Variants in RMST observed in about 807,000 individuals in gnomAD.
RMST encodes long intergenic non-protein coding RNA 54.
intron 13 of RMST, among the ~76,000 whole-genome samples, chr12:97,562,770 A>G (rs1253839724): frequency 6.6e-6 from 1 of 152,194 alleles, no homozygotes; most frequent in African/African-American, 2.4e-5. Flanking sequence ...CCTTTCGTTT[A>G]ACTATTTCCA....
chr12:97,489,699 A>G (rs1876543194), intron 5 of RMST, among the ~76,000 whole-genome samples: 1 of 152,246 alleles, frequency 6.6e-6, no homozygotes, highest in South Asian at 2.1e-4. Flanking sequence ...CACTACAATG[A>G]CAAATTTTAA....
At chr12:97,494,420 C>T (rs1411067898) in intron 8 of RMST, among the ~76,000 whole-genome samples, 2 of 152,086 alleles carry the variant, frequency 1.3e-5, no homozygotes, top group African/African-American at 4.8e-5. Flanking sequence ...TGCAGTGACT[C>T]ACACCTGTAA....
intron 10 of RMST, among the ~76,000 whole-genome samples, chr12:97,503,273 G>A (rs1038622064): frequency 6.6e-6 from 1 of 152,050 alleles, no homozygotes; most frequent in Non-Finnish European, 1.5e-5. Context: ...TGCAATACAA[G>A]GCACACCTAA....
At position 97,470,101 on chromosome 12, in the gene RMST, T is replaced by G. The variant is rs1211960278; in HGVS notation, n.644+4374T>G. On this transcript the variant is annotated intron_variant and non_coding_transcript_variant, in intron 5 of 13. Coordinates refer to ENST00000640149, the Ensembl canonical transcript of RMST. Reference sequence around the variant, plus strand: ...ACTGCCTTCTCAAAGCCCTCAAACCTTCAATGTCTGGGTCAAAGCCGTTGG... The same window carrying G: ...ACTGCCTTCTCAAAGCCCTCAAACCGTCAATGTCTGGGTCAAAGCCGTTGG... 2.0e-5 allele frequency among the ~76,000 whole-genome samples: 3 copies of G among 152,134 alleles called. No homozygotes were observed. The East Asian group carries it at 5.8e-4, about 29-fold the overall frequency.
At chr12:97,521,196 G>C (rs923284045) in intron 10 of RMST, among the ~76,000 whole-genome samples, 15 of 152,086 alleles carry the variant, frequency 9.9e-5, no homozygotes, top group Admixed American at 9.2e-4. Flanking sequence ...GTATTTTGGA[G>C]ACTTGTATTA....
intron 5 of RMST, among the ~76,000 whole-genome samples, chr12:97,479,918 G>A (rs1875029458): frequency 6.6e-6 from 1 of 151,922 alleles, no homozygotes; most frequent in South Asian, 2.1e-4. Flanking sequence ...CCCCCTTAAC[G>A]TAGTTTCTCA....
chr12:97,480,089 C>CTT (rs369247317), intron 5 of RMST, among the ~76,000 whole-genome samples: 1,249 of 90,874 alleles, frequency 0.014, 35 homozygotes, highest in African/African-American at 0.043. Context: ...TTTCTTTTTT[C>CTT]TTTTTTTTTC....
At chr12:97,489,141 C>G (rs1468734539) in intron 5 of RMST, among the ~76,000 whole-genome samples, 6 of 152,166 alleles carry the variant, frequency 3.9e-5, no homozygotes, top group Admixed American at 3.9e-4. Flanking sequence ...TAAAACCTTG[C>G]TGTATAGGAA....
intron 10 of RMST, among the ~76,000 whole-genome samples, chr12:97,499,544 A>G (rs1211242890): frequency 6.6e-6 from 1 of 152,226 alleles, no homozygotes; most frequent in Admixed American, 6.5e-5. Flanking sequence ...CTCTGCCCAT[A>G]GTATTGTAAA....
intron 7 of RMST, chr12:97,493,401 T>C (rs1317786719): frequency 6.6e-6 from 1 of 152,594 alleles, no homozygotes; most frequent in African/African-American, 2.4e-5. Flanking sequence ...AAAGAATTAG[T>C]GATACTTTTT....
At chr12:97,553,949 C>CTTTTTTTTTTTT (rs756008010) in intron 11 of RMST, among the ~76,000 whole-genome samples, 39 of 120,272 alleles carry the variant, frequency 3.2e-4, no homozygotes, top group Non-Finnish European at 4.1e-4. Context: ...TTTTCTTTCT[C>CTTTTTTTTTTTT]TTTTTTTTTT....
At chr12:97,530,995 T>C (rs1176883889) in intron 11 of RMST, 1 of 132,938 alleles carries the variant, frequency 7.5e-6, no homozygotes, top group African/African-American at 2.7e-5. Flanking sequence ...ATTTATAGCA[T>C]ATTCTCTGAA....
At chr12:97,559,040 G>A (rs142843800) in intron 11 of RMST, among the ~76,000 whole-genome samples, 41 of 151,924 alleles carry the variant, frequency 2.7e-4, no homozygotes, top group African/African-American at 9.7e-4. Context: ...CACACAGAAC[G>A]ACACAAGAAA....
intron 11 of RMST, among the ~76,000 whole-genome samples, chr12:97,545,546 A>T (rs1882867260): frequency 6.6e-6 from 1 of 152,076 alleles, no homozygotes; most frequent in Non-Finnish European, 1.5e-5. Context: ...AGGAATGTGA[A>T]TATTCTCTCC....
chr12:97,512,068 G>A (rs1222673067), intron 10 of RMST, among the ~76,000 whole-genome samples: 4 of 152,090 alleles, frequency 2.6e-5, no homozygotes, highest in Non-Finnish European at 5.9e-5. Context: ...AGATGTGTTC[G>A]GAGTTTCTTC....
At chr12:97,559,223 A>G (rs1417430013) in intron 11 of RMST, among the ~76,000 whole-genome samples, 3 of 151,960 alleles carry the variant, frequency 2.0e-5, no homozygotes, top group African/African-American at 7.3e-5. Context: ...TTCCACTCCT[A>G]CTGTTATCGG....
chr12:97,523,806 A>C (rs142327036), intron 10 of RMST, among the ~76,000 whole-genome samples: 1 of 152,188 alleles, frequency 6.6e-6, no homozygotes, highest in Non-Finnish European at 1.5e-5. Flanking sequence ...GGCCGGGCGC[A>C]GTGGCTCATG....
chr12:97,536,699 C>A lies in RMST; in HGVS notation n.1545+5840C>A, dbSNP rs537271029. On this transcript the variant is annotated intron_variant and non_coding_transcript_variant, in intron 11 of 13. Coordinates refer to ENST00000640149, the Ensembl canonical transcript of RMST. ...GTTTACACTAAGAAATAAACCTAAG[C>A]TTCAAAGTCTGAAGGAGGAAAAAGA... Among the ~76,000 whole-genome samples, 3 of 151,512 alleles carry A rather than the reference C, an allele frequency of 2.0e-5. No homozygotes were observed. In the East Asian group the frequency reaches 5.8e-4, roughly 30 times the overall value.
At chr12:97,506,877 T>C (rs1020608197) in intron 10 of RMST, among the ~76,000 whole-genome samples, 12 of 151,854 alleles carry the variant, frequency 7.9e-5, no homozygotes, top group Non-Finnish European at 1.8e-4. Flanking sequence ...AGAGACGGGG[T>C]TTAACTATGT....
Sources: gnomAD v4.1 joint callset for allele counts (sites outside exome capture counted in the v4.1 genomes callset) on GRCh38, gnomAD v4.1.1 for gene constraint, MANE v1.5 for transcripts, NCBI Gene and HGNC (gene_info 2026-07-23, HGNC 2026-07-21) for gene names.